ANKRD24: variants seen among roughly 807,000 people sequenced by gnomAD.
The protein encoded by ANKRD24 is ankyrin repeat domain-containing protein 24.
Under a neutral mutation model 127.8 loss-of-function variants are expected in ANKRD24, and 109 were observed. That is an observed-to-expected ratio of 0.85 (90% CI 0.73 to 1.00). The LOEUF (loss-of-function observed/expected upper bound fraction) is 1.00. ANKRD24 is among the 50% of genes least tolerant of loss of function. The pLI is 0.00. For missense variants in ANKRD24, 1,648 were observed against 1,570.2 expected, an observed-to-expected ratio of 1.05 and a Z score of -0.84; for synonymous variants, 743 against 671.1, an observed-to-expected ratio of 1.11 and a Z score of -1.66.
At chr19:4,211,080 G>A (rs549388068) in intron 13 of ANKRD24, among the ~76,000 whole-genome samples, 103 of 151,870 alleles carry the variant, frequency 6.8e-4, no homozygotes, top group Middle Eastern at 3.4e-3. Flanking sequence ...TGATCCTCCC[G>A]CCGCGGCCTC....
At chr19:4,211,361 G>T (rs1419831834) in intron 13 of ANKRD24, among the ~76,000 whole-genome samples, 1 of 151,972 alleles carries the variant, frequency 6.6e-6, no homozygotes, top group Admixed American at 6.6e-5. Flanking sequence ...CTTTCTGGCT[G>T]GGCACGGTGG....
At position 4,217,066 on chromosome 19, in the gene ANKRD24, GA is replaced by G; in HGVS notation, c.1907del (p.Glu636GlyfsTer62). Reference protein sequence around the residue: ...QATDTETTGVEAMGVEATKTK... With the variant: ...QATDTETTGVXAMGVEATKTK... Reference sequence around the variant, plus strand: ...CACAGACACAGAGACCACGGGAGTGGAGGCCATGGGGGTGGAGGCCACAAAA... The same window carrying G: ...CACAGACACAGAGACCACGGGAGTGGGGCCATGGGGGTGGAGGCCACAAAA... On this transcript the variant is annotated frameshift_variant, in exon 18 of 22. Transcript: ENST00000318934. LOFTEE classifies it high-confidence loss of function. 2 of 1,613,848 alleles carry G rather than the reference GA, an allele frequency of 1.2e-6. No individual in the cohort carries two copies. The highest frequency in any genetic ancestry group is 8.5e-7 in the Non-Finnish European group (1 of 1,179,872).
rs561744065 is a variant in ANKRD24 at position 4,215,795 on chromosome 19, C to T, written c.1198-183C>T. On this transcript the variant is annotated intron_variant, in intron 15 of 21. Transcript: ENST00000318934. ...GGCTCCAAAAAAAAAAAAAGTGGCA[C>T]GGGGAGTGGGTGGCAAAGGACATGG... 8.1e-5 allele frequency among the ~76,000 whole-genome samples: 12 copies of T among 147,454 alleles called. No individual in the cohort carries two copies. The East Asian group carries it at 9.9e-4, about 12-fold the overall frequency.
chr19:4,186,128 A>G (rs1305679803), intron 1 of ANKRD24: 2 of 586,490 alleles, frequency 3.4e-6, no homozygotes, highest in Non-Finnish European at 5.2e-6. Flanking sequence ...CTGTGTAGGG[A>G]CCATGCTGAA....
At chr19:4,187,560 C>A (rs1322016188) in intron 2 of ANKRD24, among the ~76,000 whole-genome samples, 1 of 152,204 alleles carries the variant, frequency 6.6e-6, no homozygotes, top group Non-Finnish European at 1.5e-5. Flanking sequence ...CTATGAACTC[C>A]TAGAAAGACA....
chr19:4,204,489 T>C (rs1241157631), intron 7 of ANKRD24, among the ~76,000 whole-genome samples: 1 of 152,116 alleles, frequency 6.6e-6, no homozygotes, highest in African/African-American at 2.4e-5. Context: ...GAGAGGTCCC[T>C]AGGGTTTAAT....
In ANKRD24 at chr19:4,218,000, C is replaced by G. The variant is rs1265594590; in HGVS notation, c.2840C>G (p.Ala947Gly). The G allele has an allele frequency of 1.3e-6, 2 of 1,534,864 alleles. No homozygotes were observed. The highest frequency in any genetic ancestry group is 2.4e-5 in the South Asian group (2 of 83,192). ...GAGGTGGTGGCCACGGGCAAGGAGG[C>G]CGCCCGGCTGCGCGCGGAGCTGGAG... ...EQEVVATGKE[A>G]ARLRAELERE... Residue 947 changes from alanine (A) to glycine (G), a missense_variant, in exon 18 of 22, where the codon GCC becomes GGC. Physicochemically the swap from Ala to Gly is moderately conservative, Grantham distance 60. Transcript: ENST00000318934.
rs138297941 is a variant in ANKRD24, at chr19:4,218,283, T to TTTTATTTATTTA, written c.3003+140_3003+151dup. ...GTTTTACTTGAACAGACCTACTTTA[T>TTTTATTTATTTA]TTTATTTATTTATTTATTTATTTAT... is the stretch of plus-strand genomic sequence containing the variant. On this transcript the variant is annotated intron_variant, in intron 18 of 21. Coordinates refer to ENST00000318934, the MANE Select transcript of ANKRD24 (RefSeq NM_001393985.1). 8.4e-4 allele frequency: 551 copies of TTTTATTTATTTA among 658,944 alleles called. 5 individuals are homozygous for TTTTATTTATTTA. In the African/African-American group the frequency reaches 8.7e-3, roughly 10 times the overall value. 40.8% of individuals were successfully genotyped at this position (658,944 alleles called of 1,614,324 possible).
At chr19:4,197,439 T>A (rs957916215) in intron 2 of ANKRD24, among the ~76,000 whole-genome samples, 1 of 151,302 alleles carries the variant, frequency 6.6e-6, no homozygotes, top group Admixed American at 6.6e-5. Context: ...AATGGGTGAG[T>A]GAACTAATGA....
intron 5 of ANKRD24, among the ~76,000 whole-genome samples, chr19:4,200,414 C>G (rs1224302829): frequency 6.6e-6 from 1 of 151,974 alleles, no homozygotes; most frequent in Non-Finnish European, 1.5e-5. Context: ...TGGGGAGTGA[C>G]TAGGATTCAG....
intron 15 of ANKRD24, among the ~76,000 whole-genome samples, chr19:4,215,525 G>A (rs1970007558): frequency 6.6e-6 from 1 of 151,510 alleles, no homozygotes; most frequent in South Asian, 2.1e-4. Flanking sequence ...CCAACACTTT[G>A]GGAGACTGAG....
rs1299622017 is a variant in ANKRD24, at chr19:4,217,978, G to A, written c.2818G>A (p.Val940Met). 5 of 1,522,310 alleles carry A rather than the reference G, an allele frequency of 3.3e-6. No individual in the cohort carries two copies. The highest frequency in any genetic ancestry group is 4.4e-6 in the Non-Finnish European group (5 of 1,142,452). 94.3% of individuals were successfully genotyped at this position (1,522,310 alleles called of 1,614,324 possible). A position where few individuals can be genotyped will look rare whatever the true frequency, so the allele number is the denominator to read the frequency against. The stretch of plus-strand genomic sequence containing the variant: ...CCGGGCAGCCAGTCTGGAGCAGGAG[G>A]TGGTGGCCACGGGCAAGGAGGCCGC... ...RGRAASLEQE[V>M]VATGKEAARL... The change falls in exon 18 of 22, where the codon GTG (valine) becomes ATG (methionine). Residue 940 changes from valine (V) to methionine (M), a missense_variant. Val to Met is a conservative substitution (Grantham distance 21, BLOSUM62 1). Transcript: ENST00000318934.
intron 6 of ANKRD24, among the ~76,000 whole-genome samples, chr19:4,202,620 TC>T (rs1305320612): frequency 1.8e-4 from 27 of 152,082 alleles, no homozygotes; most frequent in Non-Finnish European, 4.0e-4. Flanking sequence ...GCTCTGTTTC[TC>T]CCCAAGCCCT....
intron 13 of ANKRD24, among the ~76,000 whole-genome samples, chr19:4,212,205 AAAAGAT>A (rs925610906): frequency 1.3e-5 from 2 of 152,126 alleles, no homozygotes; most frequent in Non-Finnish European, 2.9e-5. Flanking sequence ...ATCTCAAAAA[AAAAGAT>A]AAATAAATAA....
chr19:4,215,402 T>C (rs1482439019), intron 15 of ANKRD24, among the ~76,000 whole-genome samples: 2 of 151,028 alleles, frequency 1.3e-5, no homozygotes, highest in African/African-American at 2.4e-5. Flanking sequence ...GGAGAATCAC[T>C]TGAATCTGGG....
chr19:4,199,539 C>T lies in ANKRD24; in HGVS notation c.37-144C>T, dbSNP rs1968962369. On this transcript the variant is annotated intron_variant, in intron 2 of 21. Transcript: ENST00000318934. The surrounding 1 kb of genome is among the most constrained non-coding windows in gnomAD (Gnocchi z 5.2). Reference sequence around the variant, plus strand: ...GGGGACAACGTTTTGGAAATAGATGCCAGGGGGCTGCTCAGGGGATGATGC... The same window carrying T: ...GGGGACAACGTTTTGGAAATAGATGTCAGGGGGCTGCTCAGGGGATGATGC... The T allele has an allele frequency of 1.4e-6, 2 of 1,421,140 alleles. No homozygotes were observed. Among genetic ancestry groups the T allele is most frequent in the African/African-American group, 1.4e-5 (1 of 69,362 alleles). The allele number at this position is 1,421,140 out of a possible 1,614,324, so 88.0% of individuals were successfully genotyped here.
intron 4 of ANKRD24, 25 bp downstream of exon 4, chr19:4,200,030 AG>A: frequency 6.4e-7 from 1 of 1,565,978 alleles, no homozygotes; most frequent in East Asian, 2.4e-5. Context: ...CCCGGGAGTG[AG>A]ATGGCTGAGG....
chr19:4,223,625 C>A (rs187640305), intron 20 of ANKRD24, among the ~76,000 whole-genome samples: 16 of 151,146 alleles, frequency 1.1e-4, no homozygotes, highest in Non-Finnish European at 1.3e-4. Flanking sequence ...GAGTGCAGTG[C>A]ACGATCTCAG....
Position 4,222,796 on chromosome 19 carries a change from G to A in ANKRD24, c.3297+1G>A. 1 of 1,605,122 alleles carries A rather than the reference G, an allele frequency of 6.2e-7. No individual in the cohort carries two copies. The highest frequency in any genetic ancestry group is 8.5e-7 in the Non-Finnish European group (1 of 1,173,534). Reference sequence around the variant, plus strand: ...GAAGGATTTACAGCAGCAGCTGCAGGTAAGGACTGGGCCACGCAGGGGCCA... The same window carrying A: ...GAAGGATTTACAGCAGCAGCTGCAGATAAGGACTGGGCCACGCAGGGGCCA... On this transcript the variant is annotated splice_donor_variant, in intron 20 of 21. Transcript: ENST00000318934. LOFTEE classifies it high-confidence loss of function.
Sources: allele counts gnomAD v4.1 joint callset (sites outside exome capture counted in the v4.1 genomes callset), GRCh38; gene constraint gnomAD v4.1.1; non-coding constraint Gnocchi (gnomAD v3.1); transcripts MANE v1.5; gene names NCBI Gene and HGNC (gene_info 2026-07-23, HGNC 2026-07-21).